Variants in CHEK1 observed in about 807,000 individuals in gnomAD.
CHEK1 encodes checkpoint kinase 1, also known as serine/threonine-protein kinase Chk1.
In CHEK1, 32 loss-of-function variants were observed where a neutral mutation model predicts 60.2. The ratio of observed to expected loss-of-function variants is 0.53; its 90% CI spans 0.40 to 0.71. The LOEUF is 0.71. Ranked by LOEUF, CHEK1 falls within the 30% of genes least tolerant of loss-of-function variation. The probability of loss-of-function intolerance (pLI) is 0.00; values close to 1 mark genes in which losing one functional copy is unlikely to be tolerated. For synonymous variants in CHEK1, 179 were observed against 187.2 expected (o/e 0.96, Z 0.36); for missense variants, 399 against 564.6 (o/e 0.71, Z 2.97).
chr11:125,655,047 G>C (rs1941864385), intron 12 of CHEK1, among the ~76,000 whole-genome samples, 178 bp from the exon 13 acceptor site: 1 of 152,142 alleles, frequency 6.6e-6, no homozygotes, highest in Non-Finnish European at 1.5e-5. Flanking sequence ...AATTATTTGT[G>C]TAACAATTTT....
chr11:125,628,559 T>G (rs1343407912), intron 3 of CHEK1, among the ~76,000 whole-genome samples: 1 of 152,182 alleles, frequency 6.6e-6, no homozygotes, highest in Non-Finnish European at 1.5e-5. Flanking sequence ...TAAAAGAACT[T>G]TCATAATAAA....
At chr11:125,648,736 T>C (rs1941601029) in intron 11 of CHEK1, among the ~76,000 whole-genome samples, 1 of 152,078 alleles carries the variant, frequency 6.6e-6, no homozygotes, top group African/African-American at 2.4e-5. Flanking sequence ...AGTCTTTGTC[T>C]TGTTCTTGAT....
At chr11:125,666,799 C>T (rs1055319702) in intron 13 of CHEK1, among the ~76,000 whole-genome samples, 1 of 152,042 alleles carries the variant, frequency 6.6e-6, no homozygotes, top group African/African-American at 2.4e-5. Flanking sequence ...GATATAAATA[C>T]AGGTAATCCT....
At chr11:125,681,069 A>G (rs956425516), downstream of CHEK1, 1 of 211,926 alleles carries the variant, frequency 4.7e-6, no homozygotes, top group Non-Finnish European at 9.3e-6. The surrounding 1 kb of genome is among the most constrained non-coding windows in gnomAD (Gnocchi z 4.2). Context: ...TCTTTAAAAA[A>G]AAAAAAAAAG....
intron 13 of CHEK1, chr11:125,672,654 G>C: frequency 6.2e-7 from 1 of 1,614,160 alleles, no homozygotes; most frequent in Non-Finnish European, 8.5e-7. Context: ...CGTTCCATGG[G>C]AGAAGAGGTT....
chr11:125,680,550 G>A (rs947372509), downstream of CHEK1, among the ~76,000 whole-genome samples: 6 of 152,164 alleles, frequency 3.9e-5, no homozygotes, highest in African/African-American at 1.4e-4. Flanking sequence ...TGACTGTAAA[G>A]CTATGACTAG....
downstream of CHEK1, among the ~76,000 whole-genome samples, chr11:125,677,243 G>A (rs1459951210): frequency 2.6e-5 from 4 of 152,286 alleles, no homozygotes; most frequent in African/African-American, 9.6e-5. Context: ...ATCAAACTTT[G>A]GGTCTTGTTT....
chr11:125,669,209 T>C (rs751635836), intron 13 of CHEK1, among the ~76,000 whole-genome samples: 2 of 152,258 alleles, frequency 1.3e-5, no homozygotes, highest in Non-Finnish European at 1.5e-5. Flanking sequence ...GAAGTTCTTT[T>C]AGCTTGTGTG....
At chr11:125,651,693 A>G (rs1444698835) in intron 11 of CHEK1, among the ~76,000 whole-genome samples, 1 of 152,104 alleles carries the variant, frequency 6.6e-6, no homozygotes, top group Non-Finnish European at 1.5e-5. Flanking sequence ...TTAAATATGA[A>G]CTGTTATTTT....
downstream of CHEK1, among the ~76,000 whole-genome samples, chr11:125,661,181 A>G (rs1462829962): frequency 6.6e-6 from 1 of 152,062 alleles, no homozygotes; most frequent in Non-Finnish European, 1.5e-5. Flanking sequence ...TTTTCAATGG[A>G]CCATTGATTC....
chr11:125,671,224 A>G (rs1254247808), intron 13 of CHEK1, among the ~76,000 whole-genome samples: 1 of 151,862 alleles, frequency 6.6e-6, no homozygotes, highest in Admixed American at 6.6e-5. Flanking sequence ...TTGAACTTAC[A>G]TTTTTCCCTC....
At chr11:125,650,517 C>T (rs1251149988) in intron 11 of CHEK1, among the ~76,000 whole-genome samples, 1 of 142,584 alleles carries the variant, frequency 7.0e-6, no homozygotes, top group African/African-American at 2.7e-5. Context: ...AGTGCAGTGG[C>T]GTGATCTTGG....
chr11:125,677,980 G>C, downstream of CHEK1: 1 of 1,612,378 alleles, frequency 6.2e-7, no homozygotes, highest in Non-Finnish European at 8.5e-7. Flanking sequence ...TCTCCGGAGA[G>C]GTGTTCACCT....
Position 125,625,852 on chromosome 11 carries a change from C to A in CHEK1, c.-181C>A, listed in dbSNP as rs1283851911. 3 of 702,512 alleles carry A rather than the reference C, an allele frequency of 4.3e-6. No individual in the cohort carries two copies. Among genetic ancestry groups the A allele is most frequent in the African/African-American group, 3.5e-5 (2 of 57,276 alleles). 43.5% of individuals were successfully genotyped at this position (702,512 alleles called of 1,614,324 possible). A position where few individuals can be genotyped will look rare whatever the true frequency, so the allele number is the denominator to read the frequency against. On this transcript the variant is annotated 5_prime_UTR_variant, in exon 1 of 13. Transcript: ENST00000438015. ...GGGAGCGGCAACATCTCCACGTCACCCTTTTGGAGCCGCCGACATTCAGAG... is the reference window on the plus strand; with the variant it reads ...GGGAGCGGCAACATCTCCACGTCACACTTTTGGAGCCGCCGACATTCAGAG...
intron 8 of CHEK1, among the ~76,000 whole-genome samples, chr11:125,642,566 A>G (rs1272778522): frequency 6.6e-6 from 1 of 152,242 alleles, no homozygotes; most frequent in African/African-American, 2.4e-5. Flanking sequence ...ATGTTTAAAA[A>G]GAAACAAACT....
At chr11:125,649,891 T>C (rs1254492397) in intron 11 of CHEK1, 1 of 152,230 alleles carries the variant, frequency 6.6e-6, no homozygotes, top group Non-Finnish European at 1.5e-5. Context: ...ACTTTGATTA[T>C]GCCACTACTG....
chr11:125,644,968 A>C (rs2136031428), intron 11 of CHEK1, among the ~76,000 whole-genome samples: 1 of 152,342 alleles, frequency 6.6e-6, no homozygotes, highest in Non-Finnish European at 1.5e-5. Context: ...AGATCCTGCC[A>C]GTGCACTCCT....
chr11:125,677,972 T>G (rs748732273), downstream of CHEK1: 1 of 1,612,254 alleles, frequency 6.2e-7, no homozygotes, highest in East Asian at 2.2e-5. Context: ...AAGGCTGTTC[T>G]CCGGAGAGGT....
intron 6 of CHEK1, among the ~76,000 whole-genome samples, chr11:125,634,043 G>A (rs1054549019): frequency 3.1e-5 from 4 of 128,090 alleles, no homozygotes; most frequent in South Asian, 2.8e-4. Flanking sequence ...TGTCACCCAC[G>A]CTGGAGTACA....
Sources: gnomAD v4.1 joint callset for allele counts (sites outside exome capture counted in the v4.1 genomes callset) on GRCh38, gnomAD v4.1.1 for gene constraint, Gnocchi (gnomAD v3.1) non-coding constraint, MANE v1.5 for transcripts, NCBI Gene and HGNC (gene_info 2026-07-23, HGNC 2026-07-21) for gene names.